LLGL2: variants seen among roughly 807,000 people sequenced by gnomAD.
The protein encoded by LLGL2 is LLGL scribble cell polarity complex component 2.
Under a neutral mutation model 123.2 loss-of-function variants are expected in LLGL2, and 81 were observed. The observed-to-expected ratio is 0.66, with a 90% confidence interval of 0.55 to 0.79. LLGL2 has a LOEUF of 0.79. Among genes scored for constraint, LLGL2 ranks in the 30% least tolerant of loss-of-function variants. LLGL2 has a pLI of 0.00. For missense variants in LLGL2, 1,273 were observed against 1,414.6 expected, an observed-to-expected ratio of 0.90 and a Z score of 1.61; for synonymous variants, 577 against 594.1, an observed-to-expected ratio of 0.97 and a Z score of 0.42.
chr17:75,541,854 C>T (rs1289357731), intron 1 of LLGL2, among the ~76,000 whole-genome samples: 2 of 149,276 alleles, frequency 1.3e-5, no homozygotes, highest in Non-Finnish European at 3.0e-5. Flanking sequence ...CTTAGCCTTC[C>T]AAGTAGCTGG....
At chr17:75,543,170 A>G in intron 1 of LLGL2, 2 of 316,422 alleles carry the variant, frequency 6.3e-6, no homozygotes, top group Middle Eastern at 8.7e-4. Context: ...TCCTACCCCC[A>G]TTATAAGGCC....
intron 6 of LLGL2, among the ~76,000 whole-genome samples, chr17:75,561,847 C>G (rs947233836): frequency 1.3e-5 from 2 of 151,164 alleles, no homozygotes; most frequent in African/African-American, 4.9e-5. Flanking sequence ...GCTTGAACCC[C>G]GGAGGTGGAG....
At chr17:75,551,017 G>T (rs181050713) in intron 2 of LLGL2, among the ~76,000 whole-genome samples, 5 of 152,196 alleles carry the variant, frequency 3.3e-5, no homozygotes, top group Admixed American at 6.5e-5. Flanking sequence ...CTAACCTAGG[G>T]CTCCCCTGCC....
At chr17:75,561,513 G>C in intron 6 of LLGL2, among the ~76,000 whole-genome samples, 1 of 152,028 alleles carries the variant, frequency 6.6e-6, no homozygotes, top group South Asian at 2.1e-4. Flanking sequence ...TGCAGTCTCA[G>C]CTACTTGGGA....
In LLGL2 at chr17:75,558,002, C is replaced by G. The variant is rs768133300; in HGVS notation, c.174-153C>G. The G allele has an allele frequency of 1.3e-6, 1 of 784,308 alleles. No individual in the cohort carries two copies. Among genetic ancestry groups the G allele is most frequent in the Non-Finnish European group, 2.3e-6 (1 of 440,144 alleles). The allele number at this position is 784,308 out of a possible 1,614,324, so 48.6% of individuals were successfully genotyped here. On this transcript the variant is annotated intron_variant, in intron 3 of 25. Coordinates refer to ENST00000392550, the MANE Select transcript of LLGL2 (RefSeq NM_001031803.2). The surrounding 1 kb of genome is among the most constrained non-coding windows in gnomAD (Gnocchi z 4.0). The stretch of plus-strand genomic sequence containing the variant: ...GGCCAGGGCTGCTGTGTCTCCTCCC[C>G]ACCCTAGGCTCCATGCATGGGTCCT...
intron 1 of LLGL2, among the ~76,000 whole-genome samples, chr17:75,534,518 T>C (rs1246235129): frequency 6.6e-6 from 1 of 152,170 alleles, no homozygotes; most frequent in Non-Finnish European, 1.5e-5. Flanking sequence ...TCTCGCTCTG[T>C]CACCCAGGCT....
rs764834292 is a variant in LLGL2 at position 75,563,181 on chromosome 17, A to G, written c.693+3A>G. On this transcript the variant is annotated splice_donor_region_variant and intron_variant, in intron 7 of 25. Transcript: ENST00000392550. The stretch of plus-strand genomic sequence containing the variant: ...TCTACCACTTCCTCAGCAGCCAGGT[A>G]GGCAGTGCCCAGGACATGGCAGGCG... 21 of 1,612,892 alleles carry G rather than the reference A, an allele frequency of 1.3e-5. No homozygotes were observed. The South Asian group carries it at 2.1e-4, about 16-fold the overall frequency.
Position 75,571,012 on chromosome 17 carries a change from G to A in LLGL2, c.2088G>A (p.Val696=). 2.5e-6 allele frequency: 4 copies of A among 1,613,086 alleles called. No individual in the cohort carries two copies. Among genetic ancestry groups the A allele is most frequent in the Non-Finnish European group, 3.4e-6 (4 of 1,179,958 alleles). Residue 696 remains valine, a synonymous_variant, in exon 17 of 26, where the codon GTG becomes GTA. Transcript: ENST00000392550. ...TCCAGAACATGGAGCTGGCGCCTGT[G>A]CAGCGCAAGATCGAGGCTCGCTCGG... The part of the protein sequence containing the change: ...PGLQNMELAP[V]QRKIEARSAE...
chr17:75,545,873 T>C (rs1184353638), intron 2 of LLGL2, among the ~76,000 whole-genome samples: 1 of 152,134 alleles, frequency 6.6e-6, no homozygotes, highest in Non-Finnish European at 1.5e-5. Context: ...GTTTCTCAAC[T>C]TCAGCACTCA....
intron 1 of LLGL2, among the ~76,000 whole-genome samples, chr17:75,530,283 G>C (rs930348014): frequency 6.6e-6 from 1 of 152,136 alleles, no homozygotes. Flanking sequence ...AGGGAGGATT[G>C]CTTGAACCCA....
chr17:75,533,010 T>A (rs920788157), intron 1 of LLGL2, among the ~76,000 whole-genome samples: 4 of 152,180 alleles, frequency 2.6e-5, no homozygotes, highest in Non-Finnish European at 5.9e-5. Flanking sequence ...GTACTTTTTT[T>A]TTCTTTTTTT....
Position 75,564,874 on chromosome 17 carries a change from A to C in LLGL2, c.1036+367A>C, listed in dbSNP as rs2055378969. On this transcript the variant is annotated intron_variant, in intron 10 of 25. Coordinates refer to ENST00000392550, the MANE Select transcript of LLGL2 (RefSeq NM_001031803.2). This position sits in a 1 kb window ranked among gnomAD's most constrained non-coding sequence, Gnocchi z 4.9. ...CCAGACTGTGTCTCAAAAAAAAAAA[A>C]AAAAAGGGCTCTGCACAGATGTTCC... Among the ~76,000 whole-genome samples the C allele has an allele frequency of 6.6e-6, 1 of 150,728 alleles. No individual in the cohort carries two copies. Among genetic ancestry groups the C allele is most frequent in the Admixed American group, 6.6e-5 (1 of 15,136 alleles).
At chr17:75,536,279 G>T (rs1230619150) in intron 1 of LLGL2, among the ~76,000 whole-genome samples, 12 of 152,146 alleles carry the variant, frequency 7.9e-5, no homozygotes, top group Non-Finnish European at 1.5e-4. Flanking sequence ...TCCTCAGCCT[G>T]TGGGCTCCTG....
chr17:75,547,082 C>G (rs1306437247), intron 2 of LLGL2, among the ~76,000 whole-genome samples: 2 of 152,230 alleles, frequency 1.3e-5, no homozygotes, highest in African/African-American at 2.4e-5. Flanking sequence ...GCTTCTGAAC[C>G]AGTTCTGGCC....
chr17:75,532,890 C>T (rs184422290), intron 1 of LLGL2, among the ~76,000 whole-genome samples: 5 of 152,352 alleles, frequency 3.3e-5, no homozygotes, highest in East Asian at 1.9e-4. Flanking sequence ...TAAGGAAGTT[C>T]CCTGAGAACC....
chr17:75,574,240 G>A lies in LLGL2; in HGVS notation c.2933G>A (p.Arg978His), dbSNP rs201959215. Residue 978 changes from arginine to histidine, a missense_variant, in exon 23 of 26, where the codon CGC becomes CAC. By Grantham distance (29) the Arg-to-His change is conservative. Coordinates refer to ENST00000392550, the MANE Select transcript of LLGL2 (RefSeq NM_001031803.2). ...AAGCAGCCCGGCCTGGTGATGGAGC[G>A]CGCTCTGCTCAGTGATGAGAGTGAG... ...EEKQPGLVME[R>H]ALLSDERVLK... 7.8e-6 allele frequency: 12 copies of A among 1,541,216 alleles called. No homozygotes were observed. In the East Asian group the frequency reaches 9.8e-5, roughly 13 times the overall value.
At position 75,558,768 on chromosome 17, in the gene LLGL2, C is replaced by T; in HGVS notation, c.371+141C>T. The stretch of plus-strand genomic sequence containing the variant: ...GCGTTTGGCCCGATGCATCGCCACA[C>T]TCAGGTGCTCCGAGTGGAGTGGGCG... On this transcript the variant is annotated intron_variant, in intron 5 of 25. Coordinates refer to ENST00000392550, the MANE Select transcript of LLGL2 (RefSeq NM_001031803.2). The surrounding 1 kb of genome is among the most constrained non-coding windows in gnomAD (Gnocchi z 4.0). 8.6e-6 allele frequency: 6 copies of T among 695,456 alleles called. No homozygotes were observed. Among genetic ancestry groups the T allele is most frequent in the South Asian group, 6.9e-5 (4 of 57,798 alleles). The allele number at this position is 695,456 out of a possible 1,614,324, so 43.1% of individuals were successfully genotyped here.
chr17:75,562,767 G>T, intron 6 of LLGL2: 1 of 536,096 alleles, frequency 1.9e-6, no homozygotes, highest in Admixed American at 3.1e-5. Context: ...ACAGGGTTTT[G>T]CCATGTTGGC....
intron 2 of LLGL2, among the ~76,000 whole-genome samples, chr17:75,550,201 T>TCCCG (rs1377044437): frequency 1.1e-4 from 17 of 152,350 alleles, no homozygotes; most frequent in African/African-American, 3.1e-4. Context: ...CTATGCCCCG[T>TCCCG]CCCGCCCTCT....
Sources: gnomAD v4.1 joint callset for allele counts (sites outside exome capture counted in the v4.1 genomes callset) on GRCh38, gnomAD v4.1.1 for gene constraint, Gnocchi (gnomAD v3.1) non-coding constraint, MANE v1.5 for transcripts, NCBI Gene and HGNC (gene_info 2026-07-23, HGNC 2026-07-21) for gene names.